Variants in ZDHHC15 observed in about 807,000 individuals in gnomAD.
ZDHHC15 encodes zDHHC palmitoyltransferase 15.
ZDHHC15 carries 19 observed loss-of-function variants against 31.7 expected under a neutral mutation model. The ratio of observed to expected loss-of-function variants is 0.60; its 90% CI spans 0.42 to 0.88. ZDHHC15 has a LOEUF of 0.88. ZDHHC15 is among the 40% of genes least tolerant of loss of function. The pLI, the probability that ZDHHC15 is intolerant of heterozygous loss-of-function variation, is 0.00. For missense variants in ZDHHC15, 209 were observed against 251.2 expected, an observed-to-expected ratio of 0.83 and a Z score of 1.14; for synonymous variants, 103 against 90.0, an observed-to-expected ratio of 1.14 and a Z score of -0.82.
chrX:75,395,318 C>T (rs965040776), intron 10 of ZDHHC15, among the ~76,000 whole-genome samples: 10 of 110,249 alleles, frequency 9.1e-5, no homozygotes, highest in African/African-American at 3.3e-4. Context: ...AAAGATTCCA[C>T]AAAAAAAACA....
rs1331709745 is a variant in ZDHHC15, at chrX:75,370,693, G to A, written c.*2285C>T. ...ATTACAGTCATGCACCAACACTCCT[G>A]GCTAATTTTTGTATTTTTAGTAGAG... is the stretch of plus-strand genomic sequence containing the variant. On this transcript the variant is annotated 3_prime_UTR_variant, in exon 12 of 12. Coordinates refer to ENST00000373367, the MANE Select transcript of ZDHHC15 (RefSeq NM_144969.3). 9.1e-6 allele frequency: 1 copy of A among 110,263 alleles called. No homozygotes were observed. Among genetic ancestry groups the A allele is most frequent in the Non-Finnish European group, 1.9e-5 (1 of 52,861 alleles). 9.1% of individuals were successfully genotyped at this position (110,263 alleles called of 1,213,427 possible). A position where few individuals can be genotyped will look rare whatever the true frequency, so the allele number is the denominator to read the frequency against.
At chrX:75,442,208 G>A (rs2083952425) in intron 4 of ZDHHC15, among the ~76,000 whole-genome samples, 1 of 111,970 alleles carries the variant, frequency 8.9e-6, no homozygotes, top group East Asian at 2.8e-4. Flanking sequence ...GTGGGGGTGG[G>A]CTTCAACCAA....
intron 4 of ZDHHC15, among the ~76,000 whole-genome samples, chrX:75,433,697 GTATA>G (rs779122973): frequency 1.4e-3 from 9 of 6,625 alleles, no homozygotes; most frequent in Non-Finnish European, 6.1e-3. Flanking sequence ...GTGTGTGTGT[GTATA>G]TATATATATA....
At chrX:75,387,922 C>T (rs776022780) in intron 10 of ZDHHC15, among the ~76,000 whole-genome samples, 1 of 111,572 alleles carries the variant, frequency 9.0e-6, no homozygotes, top group Non-Finnish European at 1.9e-5. Flanking sequence ...AGAGAAGATC[C>T]TAAATACAGC....
At chrX:75,399,127 T>A (rs981868959) in intron 10 of ZDHHC15, among the ~76,000 whole-genome samples, 1 of 111,373 alleles carries the variant, frequency 9.0e-6, no homozygotes, top group Non-Finnish European at 1.9e-5. Context: ...AGCAGCCCTA[T>A]GAAAAAGTGG....
chrX:75,486,890 G>T (rs2084786892), intron 2 of ZDHHC15, among the ~76,000 whole-genome samples: 1 of 111,129 alleles, frequency 9.0e-6, no homozygotes, highest in African/African-American at 3.3e-5. Flanking sequence ...CCCACATGCT[G>T]GTTTTTCTTT....
At chrX:75,495,753 G>T (rs1438721201) in intron 2 of ZDHHC15, among the ~76,000 whole-genome samples, 2 of 93,633 alleles carry the variant, frequency 2.1e-5, no homozygotes, top group Non-Finnish European at 4.2e-5. Context: ...GACACAGGAA[G>T]GGGAACATCA....
At chrX:75,478,732 T>C (rs766804610) in intron 3 of ZDHHC15, among the ~76,000 whole-genome samples, 159 bp downstream of exon 3, 2 of 111,534 alleles carry the variant, frequency 1.8e-5, no homozygotes, top group Non-Finnish European at 3.8e-5. Context: ...ACTCCTTCAA[T>C]AGCCTATCCT....
At chrX:75,413,637 C>T (rs1272809179) in intron 10 of ZDHHC15, among the ~76,000 whole-genome samples, 2 of 108,515 alleles carry the variant, frequency 1.8e-5, no homozygotes, top group Non-Finnish European at 3.8e-5. Flanking sequence ...TGCACTCCAG[C>T]CTGGATGACA....
chrX:75,422,006 A>G lies in ZDHHC15; in HGVS notation c.737-16T>C, dbSNP rs369264811. Reference sequence around the variant, plus strand: ...CAGAAGGCCTCTAAGGCAGGGCAGGAGAGTTGAAGAAAAGAGGAAGAAAGC... The same window carrying G: ...CAGAAGGCCTCTAAGGCAGGGCAGGGGAGTTGAAGAAAAGAGGAAGAAAGC... On this transcript the variant is annotated splice_polypyrimidine_tract_variant and intron_variant, in intron 8 of 11. Transcript: ENST00000373367. 8 of 1,188,348 alleles carry G rather than the reference A, an allele frequency of 6.7e-6. No homozygotes were observed. The highest frequency in any genetic ancestry group is 9.0e-6 in the Non-Finnish European group (8 of 886,736).
intron 3 of ZDHHC15, among the ~76,000 whole-genome samples, chrX:75,455,169 GAT>G (rs1204812034): frequency 1.8e-5 from 2 of 111,479 alleles, no homozygotes; most frequent in Non-Finnish European, 3.8e-5. Context: ...CCAAAACAGA[GAT>G]ATAGCCCAAT....
intron 10 of ZDHHC15, among the ~76,000 whole-genome samples, chrX:75,408,093 G>C (rs2083441014): frequency 9.1e-6 from 1 of 110,223 alleles, no homozygotes; most frequent in African/African-American, 3.3e-5. Context: ...AGGGTCCTCT[G>C]CCTAGGAAAA....
At chrX:75,443,371 C>G (rs374401221) in intron 4 of ZDHHC15, among the ~76,000 whole-genome samples, 37 of 111,754 alleles carry the variant, frequency 3.3e-4, no homozygotes, top group Non-Finnish European at 3.8e-4. Context: ...ATGGGGAAAG[C>G]ATTCCCTATT....
At chrX:75,375,188 C>A (rs768027386) in intron 11 of ZDHHC15, among the ~76,000 whole-genome samples, 147 of 111,792 alleles carry the variant, frequency 1.3e-3, no homozygotes, top group Middle Eastern at 4.6e-3. Flanking sequence ...AAACTCACAT[C>A]AGCATTGTAT....
intron 10 of ZDHHC15, among the ~76,000 whole-genome samples, chrX:75,414,144 C>A (rs1179079378): frequency 1.8e-5 from 2 of 111,952 alleles, no homozygotes; most frequent in Non-Finnish European, 3.8e-5. Flanking sequence ...ACTCAAAAGT[C>A]TTTAAAAAGA....
intron 3 of ZDHHC15, among the ~76,000 whole-genome samples, chrX:75,467,548 T>C (rs192410278): frequency 5.3e-5 from 6 of 112,196 alleles, no homozygotes; most frequent in Admixed American, 1.9e-4. Context: ...GGCTATTAAA[T>C]TGGCCCAATG....
At chrX:75,432,517 T>A (rs763603629) in intron 4 of ZDHHC15, among the ~76,000 whole-genome samples, 1 of 111,717 alleles carries the variant, frequency 9.0e-6, no homozygotes, top group Non-Finnish European at 1.9e-5. Context: ...AACATGCATA[T>A]CTGGGTCCTT....
At chrX:75,509,101 T>G (rs1051950281) in intron 1 of ZDHHC15, among the ~76,000 whole-genome samples, 3 of 111,102 alleles carry the variant, frequency 2.7e-5, no homozygotes, top group Non-Finnish European at 3.8e-5. Flanking sequence ...ATTCAGGACA[T>G]AGGCATGGGC....
rs1248753210 is a variant in ZDHHC15, at chrX:75,370,988, C to A, written c.*1990G>T. ...TCTGTGGGAGCTGAGTGCTGATACA[C>A]CCTATGCATCAAAGAAGTTCTTGAT... is the stretch of plus-strand genomic sequence containing the variant. On this transcript the variant is annotated 3_prime_UTR_variant, in exon 12 of 12. Transcript: ENST00000373367. 9.0e-6 allele frequency: 1 copy of A among 111,669 alleles called. No individual in the cohort carries two copies. The highest frequency in any genetic ancestry group is 1.9e-5 in the Non-Finnish European group (1 of 53,194). 9.2% of individuals were successfully genotyped at this position (111,669 alleles called of 1,213,427 possible).
Sources: allele counts gnomAD v4.1 joint callset (sites outside exome capture counted in the v4.1 genomes callset), GRCh38; gene constraint gnomAD v4.1.1; transcripts MANE v1.5; gene names NCBI Gene and HGNC (gene_info 2026-07-23, HGNC 2026-07-21).